The following NUP188 variants were observed in gnomAD, a reference collection of about 807,000 sequenced individuals.
The protein encoded by NUP188 is nucleoporin NUP188.
A neutral mutation model predicts 223.0 loss-of-function variants in NUP188; 97 were observed. The ratio of observed to expected loss-of-function variants is 0.43; its 90% CI spans 0.37 to 0.51. NUP188 has a LOEUF of 0.51. NUP188 is among the 20% of genes least tolerant of loss of function. The probability of loss-of-function intolerance (pLI) is 0.00; values close to 1 mark genes in which losing one functional copy is unlikely to be tolerated. For synonymous variants in NUP188, 869 were observed against 828.0 expected, an observed-to-expected ratio of 1.05 and a Z score of -0.85; for missense variants, 1,947 against 2,175.6, an observed-to-expected ratio of 0.89 and a Z score of 2.09.
At position 128,998,528 on chromosome 9, in the gene NUP188, C is replaced by A; in HGVS notation, c.3430-10C>A. On this transcript the variant is annotated splice_polypyrimidine_tract_variant and intron_variant, in intron 31 of 43. Transcript: ENST00000372577. The stretch of plus-strand genomic sequence containing the variant: ...CACTGACTTCTGACTGGTGTGCTGT[C>A]TCCTTTCAGCTCCTAGTTCCAGCCT... The A allele has an allele frequency of 6.2e-7, 1 of 1,612,728 alleles. No homozygotes were observed. The highest frequency in any genetic ancestry group is 8.5e-7 in the Non-Finnish European group (1 of 1,178,710).
At chr9:128,983,063 T>C in intron 17 of NUP188, 35 bp downstream of exon 17, 2 of 1,611,504 alleles carry the variant, frequency 1.2e-6, no homozygotes, top group Non-Finnish European at 8.5e-7. Context: ...AGCTGCCCAG[T>C]AGAGATCTCA....
chr9:128,986,845 A>G lies in NUP188; in HGVS notation c.2234A>G (p.Asn745Ser). ...LILELIHAILNLCHETDLHSS... is the reference protein window; with the variant it reads ...LILELIHAILSLCHETDLHSS... Reference sequence around the variant, plus strand: ...TTGGAGCTGATTCATGCGATACTGAACCTGTGCCACGAGACAGACCTGCAC... The same window carrying G: ...TTGGAGCTGATTCATGCGATACTGAGCCTGTGCCACGAGACAGACCTGCAC... Residue 745 changes from asparagine to serine, a missense_variant, in exon 22 of 44, where the codon AAC (asparagine) becomes AGC (serine). Physicochemically the swap from Asn to Ser is conservative, Grantham distance 46. This residue lies in a region of NUP188 where 225 missense variants were observed against 319.1 expected (regional missense o/e 0.71). Transcript: ENST00000372577. 1 of 1,613,846 alleles carries G rather than the reference A, an allele frequency of 6.2e-7. No individual in the cohort carries two copies. Among genetic ancestry groups the G allele is most frequent in the South Asian group, 1.1e-5 (1 of 91,070 alleles).
At chr9:129,000,750 CT>C (rs1181465178) in intron 34 of NUP188, among the ~76,000 whole-genome samples, 7 of 151,654 alleles carry the variant, frequency 4.6e-5, no homozygotes, top group Non-Finnish European at 7.4e-5. Context: ...TCTAAAAAGT[CT>C]TTATGGGCCG....
intron 12 of NUP188, among the ~76,000 whole-genome samples, chr9:128,977,695 A>C (rs1417091067): frequency 6.6e-6 from 1 of 151,864 alleles, no homozygotes; most frequent in Admixed American, 6.6e-5. Context: ...GTTACTCGGG[A>C]TGCTGAGGCA....
chr9:128,985,112 T>C (rs2131169270), intron 20 of NUP188, 98 bp downstream of exon 20: 1 of 811,266 alleles, frequency 1.2e-6, no homozygotes, highest in Non-Finnish European at 2.0e-6. Context: ...TGCTGTAATC[T>C]TCTTGTCTGT....
Position 129,006,043 on chromosome 9 carries a change from T to C in NUP188, c.4870-7T>C. 1 of 1,614,192 alleles carries C rather than the reference T, an allele frequency of 6.2e-7. No homozygotes were observed. The highest frequency in any genetic ancestry group is 1.1e-5 in the South Asian group (1 of 91,086). On this transcript the variant is annotated splice_polypyrimidine_tract_variant and splice_region_variant and intron_variant, in intron 41 of 43. Transcript: ENST00000372577. ...TGTCTTAGTTTTTTACCCTTGCTTC[T>C]CTTCAGCTGGACAAGAAAAAGGAGC... is the stretch of plus-strand genomic sequence containing the variant.
Position 128,987,602 on chromosome 9 carries a change from C to A in NUP188, c.2278C>A (p.Leu760Met). Residue 760 changes from leucine to methionine, a missense_variant, in exon 23 of 44, where the codon CTG becomes ATG. This residue lies in a region of NUP188 where 225 missense variants were observed against 319.1 expected (regional missense o/e 0.71). Coordinates refer to ENST00000372577, the MANE Select transcript of NUP188 (RefSeq NM_015354.3). ...TDLHSSHTPS[L>M]QFLCICSLAY... ...TCTGTCTTCCAGTCATACTCCCAGC[C>A]TGCAGTTTCTCTGCATCTGCAGCCT... 1.9e-6 allele frequency: 3 copies of A among 1,613,094 alleles called. No individual in the cohort carries two copies. The highest frequency in any genetic ancestry group is 1.7e-6 in the Non-Finnish European group (2 of 1,179,534).
intron 12 of NUP188, among the ~76,000 whole-genome samples, chr9:128,974,378 A>AGCAGGTT (rs1020998327): frequency 1.3e-5 from 2 of 148,368 alleles, no homozygotes; most frequent in African/African-American, 5.0e-5. Context: ...AGTCTTCTGC[A>AGCAGGTT]GCAGGTTGTT....
intron 8 of NUP188, among the ~76,000 whole-genome samples, chr9:128,960,197 G>A (rs1420158161): frequency 6.6e-6 from 1 of 150,390 alleles, no homozygotes; most frequent in Non-Finnish European, 1.5e-5. Flanking sequence ...CCGAGTAGCT[G>A]GGACTACAGG....
chr9:129,001,502 C>G, intron 34 of NUP188, 27 bp from the exon 35 acceptor site: 6 of 1,605,028 alleles, frequency 3.7e-6, no homozygotes, highest in Non-Finnish European at 5.1e-6. Context: ...CTTCTTCCCC[C>G]TTTTACTCAT....
chr9:128,959,527 C>CTTTTTTTTTTTTTTTT (rs1303364478), intron 8 of NUP188, among the ~76,000 whole-genome samples: 9 of 123,892 alleles, frequency 7.3e-5, no homozygotes, highest in African/African-American at 2.6e-4. Context: ...TACAGATTAT[C>CTTTTTTTTTTTTTTTT]TTTTTTTTTT....
intron 8 of NUP188, among the ~76,000 whole-genome samples, chr9:128,961,617 G>A (rs1841955423): frequency 7.0e-6 from 1 of 142,714 alleles, no homozygotes; most frequent in Admixed American, 7.4e-5. Flanking sequence ...TAGATAGATA[G>A]ATAGATTTTT....
At chr9:128,956,473 A>G (rs759137115) in intron 4 of NUP188, 39 bp downstream of exon 4, 2 of 1,074,826 alleles carry the variant, frequency 1.9e-6, no homozygotes, top group African/African-American at 3.2e-5. Context: ...TATTACTTGC[A>G]GTGTGGATGT....
intron 8 of NUP188, among the ~76,000 whole-genome samples, chr9:128,963,739 C>T (rs1322006778): frequency 1.3e-5 from 2 of 151,148 alleles, no homozygotes; most frequent in African/African-American, 4.9e-5. Flanking sequence ...CTCCTGGATT[C>T]AAGTGATCCT....
intron 38 of NUP188, chr9:129,004,785 G>C (rs1842747093): frequency 4.1e-6 from 1 of 241,020 alleles, no homozygotes. Flanking sequence ...TTACAGGCAT[G>C]AGCCACCGCA....
intron 12 of NUP188, among the ~76,000 whole-genome samples, chr9:128,973,628 C>T (rs1270839260): frequency 6.6e-6 from 1 of 152,198 alleles, no homozygotes; most frequent in Non-Finnish European, 1.5e-5. Context: ...GGCGATCCGC[C>T]TGCCTCGGCC....
In NUP188 at chr9:129,001,513, C is replaced by G. The variant is rs746840281; in HGVS notation, c.3844-16C>G. 3 of 1,608,752 alleles carry G rather than the reference C, an allele frequency of 1.9e-6. No individual in the cohort carries two copies. The Middle Eastern group carries it at 5.0e-4, about 266-fold the overall frequency. ...TCTTCTTCTTCCCCCTTTTACTCAT[C>G]TTTGCCTCTGGGCAGGTGTGTGTCC... On this transcript the variant is annotated splice_polypyrimidine_tract_variant and intron_variant, in intron 34 of 43. Transcript: ENST00000372577.
At chr9:128,984,591 C>T (rs1370961718) in intron 19 of NUP188, among the ~76,000 whole-genome samples, 1 of 152,178 alleles carries the variant, frequency 6.6e-6, no homozygotes, top group East Asian at 1.9e-4. Context: ...CGAGCTCAGC[C>T]AGTAGACCAC....
chr9:128,979,204 A>G, intron 12 of NUP188, 58 bp from the exon 13 acceptor site: 1 of 1,260,354 alleles, frequency 7.9e-7, no homozygotes, highest in Non-Finnish European at 1.2e-6. Context: ...ATACAATAAT[A>G]AAGATAGACT....
Sources: gnomAD v4.1 joint callset for allele counts (sites outside exome capture counted in the v4.1 genomes callset) on GRCh38, gnomAD v4.1.1 for gene constraint, gnomAD v4.1.1 regional missense constraint, MANE v1.5 for transcripts, NCBI Gene and HGNC (gene_info 2026-07-23, HGNC 2026-07-21) for gene names.